The following PRPF3 variants were observed in gnomAD, a reference collection of about 807,000 sequenced individuals.
PRPF3 encodes the protein pre-mRNA processing factor 3.
Under a neutral mutation model 89.2 loss-of-function variants are expected in PRPF3, and 3 were observed. That is an observed-to-expected ratio of 0.03 (90% CI 0.02 to 0.09). The LOEUF (loss-of-function observed/expected upper bound fraction) is 0.09, where lower values mean the gene tolerates loss of function less well. Among genes scored for constraint, PRPF3 ranks in the 10% least tolerant of loss-of-function variants. PRPF3 has a pLI of 1.00. For missense variants in PRPF3, 463 were observed against 828.8 expected, an observed-to-expected ratio of 0.56 and a Z score of 5.42; for synonymous variants, 270 against 289.1, an observed-to-expected ratio of 0.93 and a Z score of 0.67.
chr1:150,324,958 A>C lies in PRPF3; in HGVS notation c.16A>C (p.Arg6=). The change falls in exon 2 of 16, where the codon AGG becomes CGG. Residue 6 remains arginine (R), a synonymous_variant. Transcript: ENST00000324862. ...TTCCTGAAAAATGGCACTGTCAAAG[A>C]GGGAGCTGGATGAGCTGAAACCATG... The part of the protein sequence containing the change: MALSK[R]ELDELKPWIE... 6.2e-7 allele frequency: 1 copy of C among 1,612,106 alleles called. No individual in the cohort carries two copies. The highest frequency in any genetic ancestry group is 8.5e-7 in the Non-Finnish European group (1 of 1,179,310).
At chr1:150,346,735 G>T (rs587594022) in intron 14 of PRPF3, among the ~76,000 whole-genome samples, 16 of 152,226 alleles carry the variant, frequency 1.1e-4, no homozygotes, top group African/African-American at 3.6e-4. Context: ...CTACCAGCTG[G>T]TTTCTGTGTC....
At chr1:150,327,334 G>A (rs1553864080) in intron 3 of PRPF3, among the ~76,000 whole-genome samples, 1 of 152,036 alleles carries the variant, frequency 6.6e-6, no homozygotes, top group African/African-American at 2.4e-5. Context: ...CCAAAGTGCT[G>A]GAATTACAGG....
chr1:150,331,015 C>G (rs990757301), intron 4 of PRPF3, among the ~76,000 whole-genome samples: 4 of 151,532 alleles, frequency 2.6e-5, no homozygotes, highest in Non-Finnish European at 5.9e-5. Context: ...CCAGGCCCAG[C>G]CTGTAATTTT....
chr1:150,351,543 C>T (rs587694172), intron 15 of PRPF3, among the ~76,000 whole-genome samples: 1 of 151,526 alleles, frequency 6.6e-6, no homozygotes, highest in Non-Finnish European at 1.5e-5. Flanking sequence ...CTCTATTGCT[C>T]AGGCTGGTGT....
chr1:150,341,298 T>C (rs1215295923), intron 9 of PRPF3, among the ~76,000 whole-genome samples: 1 of 151,896 alleles, frequency 6.6e-6, no homozygotes, highest in African/African-American at 2.4e-5. Context: ...GTTGGTGTGT[T>C]ATTAGATGCG....
intron 15 of PRPF3, 113 bp from the exon 16 acceptor site, chr1:150,352,720 A>C: frequency 8.3e-7 from 1 of 1,205,678 alleles, no homozygotes; most frequent in Non-Finnish European, 1.2e-6. Flanking sequence ...TAACCATAAA[A>C]TCACGTTCAG....
intron 14 of PRPF3, 71 bp from the exon 15 acceptor site, chr1:150,349,086 G>A (rs1176875854): frequency 8.2e-7 from 1 of 1,216,228 alleles, no homozygotes; most frequent in Non-Finnish European, 1.2e-6. Flanking sequence ...AGAGAGTTTG[G>A]GTAGACTTGA....
chr1:150,335,359 C>G, intron 7 of PRPF3, 118 bp downstream of exon 7: 1 of 1,254,222 alleles, frequency 8.0e-7, no homozygotes, highest in South Asian at 1.3e-5. Context: ...AGCAGCAGTC[C>G]TCAACCTTTT....
At chr1:150,330,803 G>A (rs1410612034) in intron 4 of PRPF3, among the ~76,000 whole-genome samples, 3 of 149,820 alleles carry the variant, frequency 2.0e-5, no homozygotes, top group Non-Finnish European at 4.4e-5. Flanking sequence ...TGCAACCTCC[G>A]CCTCCCGGGT....
chr1:150,350,515 A>T (rs587617831), intron 15 of PRPF3, among the ~76,000 whole-genome samples: 1 of 152,264 alleles, frequency 6.6e-6, no homozygotes, highest in South Asian at 2.1e-4. Context: ...TTCTATTTTT[A>T]AAATGTGCTT....
In PRPF3 at chr1:150,325,801, CTGTT is replaced by C; in HGVS notation, c.199_202del (p.Phe67ArgfsTer24). ...TTCTACTCTCCGATTTGTGGACAAA[CTGTT>C]TGAGGCTGTGGAGGAAGGCCGAAGC... On this transcript the variant is annotated frameshift_variant, in exon 3 of 16. Coordinates refer to ENST00000324862, the MANE Select transcript of PRPF3 (RefSeq NM_004698.4). LOFTEE classifies it high-confidence loss of function. 1 of 1,613,742 alleles carries C rather than the reference CTGTT, an allele frequency of 6.2e-7. No individual in the cohort carries two copies. The highest frequency in any genetic ancestry group is 1.3e-5 in the African/African-American group (1 of 75,014).
At chr1:150,345,669 A>G (rs1658209336) in intron 12 of PRPF3, 1 of 335,120 alleles carries the variant, frequency 3.0e-6, no homozygotes, top group African/African-American at 2.2e-5. Context: ...ATATTATAAG[A>G]GTCTAAGGGT....
rs992645676 is a variant in PRPF3, at chr1:150,328,229, T to C, written c.277-91T>C. ...AGGTTGTGTCATATTCCCCTGGGAA[T>C]AGCCAGAAAATGCTGGTAGGGGCTA... On this transcript the variant is annotated intron_variant, in intron 3 of 15. Transcript: ENST00000324862. 58 of 1,510,210 alleles carry C rather than the reference T, an allele frequency of 3.8e-5. No homozygotes were observed. In the Admixed American group the frequency reaches 9.6e-4, roughly 25 times the overall value. The allele number at this position is 1,510,210 out of a possible 1,614,324, so 93.6% of individuals were successfully genotyped here.
At chr1:150,330,986 G>A (rs1325085366) in intron 4 of PRPF3, among the ~76,000 whole-genome samples, 2 of 152,054 alleles carry the variant, frequency 1.3e-5, no homozygotes, top group African/African-American at 4.8e-5. Context: ...CAAAGTGCTG[G>A]GATTACAGAC....
chr1:150,337,290 C>T (rs1427923714), intron 7 of PRPF3, among the ~76,000 whole-genome samples: 2 of 151,810 alleles, frequency 1.3e-5, no homozygotes, highest in African/African-American at 2.4e-5. Context: ...CCTCCCGCCT[C>T]GGCCTCTCAA....
chr1:150,349,359 T>G (rs1369437761), intron 15 of PRPF3, 141 bp downstream of exon 15: 2 of 745,780 alleles, frequency 2.7e-6, no homozygotes, highest in Non-Finnish European at 4.6e-6. Flanking sequence ...AATCCATTTT[T>G]AAATGGTTGG....
At position 150,324,997 on chromosome 1, in the gene PRPF3, G is replaced by A. The variant is rs1655543615; in HGVS notation, c.55G>A (p.Val19Met). 6.2e-7 allele frequency: 1 copy of A among 1,613,436 alleles called. No individual in the cohort carries two copies. The highest frequency in any genetic ancestry group is 8.5e-7 in the Non-Finnish European group (1 of 1,179,810). The change falls in exon 2 of 16, where the codon GTG becomes ATG. Residue 19 changes from valine (V) to methionine (M), a missense_variant. Physicochemically the swap from Val to Met is conservative, Grantham distance 21. This residue lies in a region of PRPF3 where 33 missense variants were observed against 83.1 expected (regional missense o/e 0.40). Transcript: ENST00000324862. ...DELKPWIEKTVKRVLGFSEPT... is the reference protein window; with the variant it reads ...DELKPWIEKTMKRVLGFSEPT... ...GCTGAAACCATGGATAGAGAAGACA[G>A]TGAAGAGGGTCCTGGGTTTCTCAGA...
intron 2 of PRPF3, among the ~76,000 whole-genome samples, chr1:150,325,461 C>T (rs587772911): frequency 2.0e-5 from 3 of 152,214 alleles, no homozygotes; most frequent in South Asian, 2.1e-4. Flanking sequence ...TAATGGTAGG[C>T]TTCTACAACT....
intron 1 of PRPF3, among the ~76,000 whole-genome samples, chr1:150,324,030 C>G (rs1384669287): frequency 6.6e-6 from 1 of 152,090 alleles, no homozygotes; most frequent in Admixed American, 6.6e-5. Context: ...CCACCTGCCT[C>G]AGCCTCCCAA....
Sources: gnomAD v4.1 joint callset for allele counts (sites outside exome capture counted in the v4.1 genomes callset) on GRCh38, gnomAD v4.1.1 for gene constraint, gnomAD v4.1.1 regional missense constraint, MANE v1.5 for transcripts, NCBI Gene and HGNC (gene_info 2026-07-23, HGNC 2026-07-21) for gene names.